Variants in BCAS3 observed in about 807,000 individuals in gnomAD.
BCAS3 encodes the protein BCAS4/BCAS3 fusion.
BCAS3 carries 53 observed loss-of-function variants against 116.1 expected under a neutral mutation model. The observed-to-expected ratio is 0.46, with a 90% CI of 0.37 to 0.57. BCAS3 has a LOEUF of 0.57. Among genes scored for constraint, BCAS3 ranks in the 20% least tolerant of loss-of-function variants. The pLI, the probability that BCAS3 is intolerant of heterozygous loss-of-function variation, is 0.00. For synonymous variants in BCAS3, 391 were observed against 408.2 expected, an observed-to-expected ratio of 0.96 and a Z score of 0.51; for missense variants, 917 against 1,165.4, an observed-to-expected ratio of 0.79 and a Z score of 3.10.
At chr17:60,760,497 G>GTT (rs59832943) in intron 6 of BCAS3, among the ~76,000 whole-genome samples, 3 of 127,484 alleles carry the variant, frequency 2.4e-5, no homozygotes, top group Middle Eastern at 4.2e-3. Flanking sequence ...AGGTTTTTTT[G>GTT]TTTTTTTTTT....
At position 61,219,349 on chromosome 17, in the gene BCAS3, G is replaced by T. The variant is rs1315408156; in HGVS notation, c.2425+134785G>T. Among the ~76,000 whole-genome samples the T allele has an allele frequency of 6.6e-6, 1 of 152,176 alleles. No homozygotes were observed. Among genetic ancestry groups the T allele is most frequent in the Non-Finnish European group, 1.5e-5 (1 of 68,040 alleles). On this transcript the variant is annotated intron_variant, in intron 22 of 23. Coordinates refer to ENST00000407086, the MANE Select transcript of BCAS3 (RefSeq NM_017679.5). The surrounding 1 kb of genome is among the most constrained non-coding windows in gnomAD (Gnocchi z 5.2). ...GCATATTTCCTAGGGAGTTTTGGGA[G>T]TCATGCAGTGATCAGGTTCAGGACT...
chr17:60,770,834 G>GCT (rs1568213393), intron 6 of BCAS3, among the ~76,000 whole-genome samples: 1 of 76,728 alleles, frequency 1.3e-5, no homozygotes, highest in Non-Finnish European at 3.3e-5. Context: ...ACTGAAATTT[G>GCT]TTTTTTTTTT....
At chr17:60,935,353 A>G (rs974564868) in intron 13 of BCAS3, among the ~76,000 whole-genome samples, 1 of 152,172 alleles carries the variant, frequency 6.6e-6, no homozygotes, top group African/African-American at 2.4e-5. Flanking sequence ...TTAATTAAAT[A>G]ATTTATACTA....
rs1380051983 is a variant in BCAS3 at position 61,037,593 on chromosome 17, G to A, written c.1763-296G>A. Among the ~76,000 whole-genome samples, 3 of 152,094 alleles carry A rather than the reference G, an allele frequency of 2.0e-5. No homozygotes were observed. Among genetic ancestry groups the A allele is most frequent in the African/African-American group, 4.8e-5 (2 of 41,402 alleles). On this transcript the variant is annotated intron_variant, in intron 17 of 23. Transcript: ENST00000407086. This position sits in a 1 kb window ranked among gnomAD's most constrained non-coding sequence, Gnocchi z 4.7. ...TCGAGACCAGCCTGACCAACACGGCGAAACCCTATCTCTACTAAAAATACA... is the reference window on the plus strand; with the variant it reads ...TCGAGACCAGCCTGACCAACACGGCAAAACCCTATCTCTACTAAAAATACA...
Position 61,118,563 on chromosome 17 carries a change from A to G in BCAS3, c.2425+33999A>G, listed in dbSNP as rs2075612487. 6.6e-6 allele frequency among the ~76,000 whole-genome samples: 1 copy of G among 152,136 alleles called. No homozygotes were observed. On this transcript the variant is annotated intron_variant, in intron 22 of 23. Coordinates refer to ENST00000407086, the MANE Select transcript of BCAS3 (RefSeq NM_017679.5). The surrounding 1 kb of genome is among the most constrained non-coding windows in gnomAD (Gnocchi z 5.0). ...CACCACCCCTGTGGAGGTGTTGGGCACCTTGTCATAGCCTCTCAAGGGTGG... is the reference window on the plus strand; with the variant it reads ...CACCACCCCTGTGGAGGTGTTGGGCGCCTTGTCATAGCCTCTCAAGGGTGG...
At chr17:61,045,897 ATATATAAATATATATT>A (rs2068075930) in intron 19 of BCAS3, among the ~76,000 whole-genome samples, 1 of 36,658 alleles carries the variant, frequency 2.7e-5, no homozygotes, top group Non-Finnish European at 3.8e-5. Context: ...TATATATAAT[ATATATAAATATATATT>A]TATATATATA....
At chr17:60,937,522 T>C (rs995316320) in intron 13 of BCAS3, among the ~76,000 whole-genome samples, 3 of 152,254 alleles carry the variant, frequency 2.0e-5, no homozygotes, top group Non-Finnish European at 4.4e-5. Context: ...TATTTATGTA[T>C]GTACCTCTCT....
intron 5 of BCAS3, among the ~76,000 whole-genome samples, chr17:60,718,046 A>G (rs1208607362): frequency 2.0e-5 from 3 of 152,176 alleles, no homozygotes; most frequent in Non-Finnish European, 2.9e-5. Flanking sequence ...TCGCGCGCCT[A>G]TGATAATCTA....
At chr17:61,153,323 G>A (rs1308615726) in intron 22 of BCAS3, among the ~76,000 whole-genome samples, 1 of 152,152 alleles carries the variant, frequency 6.6e-6, no homozygotes, top group African/African-American at 2.4e-5. Flanking sequence ...GTCTCCAGTG[G>A]GGTACTCCAC....
intron 22 of BCAS3, among the ~76,000 whole-genome samples, chr17:61,287,203 G>A (rs1053458414): frequency 6.0e-5 from 9 of 150,844 alleles, no homozygotes; most frequent in East Asian, 5.9e-4. Context: ...AGCCGAGATC[G>A]CACCACTTCA....
rs751680109 is a variant in BCAS3 at position 61,392,332 on chromosome 17, G to A, written c.*207G>A. 82 of 582,708 alleles carry A rather than the reference G, an allele frequency of 1.4e-4. No individual in the cohort carries two copies. Among genetic ancestry groups the A allele is most frequent in the Non-Finnish European group, 2.1e-4 (71 of 338,132 alleles). 36.1% of individuals were successfully genotyped at this position (582,708 alleles called of 1,614,324 possible). A position where few individuals can be genotyped will look rare whatever the true frequency, so the allele number is the denominator to read the frequency against. ...GCACTTGCCCTCTGCCACACCTGTC[G>A]GTGGAGGCTGTGGCCAGGAGAGACT... On this transcript the variant is annotated 3_prime_UTR_variant, in exon 24 of 24. Transcript: ENST00000407086. This position sits in a 1 kb window ranked among gnomAD's most constrained non-coding sequence, Gnocchi z 6.4.
At position 61,134,597 on chromosome 17, in the gene BCAS3, G is replaced by A. The variant is rs899262301; in HGVS notation, c.2425+50033G>A. Among the ~76,000 whole-genome samples the A allele has an allele frequency of 6.6e-6, 1 of 152,202 alleles. No individual in the cohort carries two copies. Among genetic ancestry groups the A allele is most frequent in the Non-Finnish European group, 1.5e-5 (1 of 68,036 alleles). ...TTTAAAGTCGAGAGAACTGTGTTAT[G>A]GTGGGACATTTAGAGACAAACTGAA... On this transcript the variant is annotated intron_variant, in intron 22 of 23. Coordinates refer to ENST00000407086, the MANE Select transcript of BCAS3 (RefSeq NM_017679.5). The surrounding 1 kb of genome is among the most constrained non-coding windows in gnomAD (Gnocchi z 4.6).
Position 61,339,893 on chromosome 17 carries a change from C to T in BCAS3, c.2426-28434C>T, listed in dbSNP as rs191236184. Among the ~76,000 whole-genome samples, 138 of 152,154 alleles carry T rather than the reference C, an allele frequency of 9.1e-4. No individual in the cohort carries two copies. Among genetic ancestry groups the T allele is most frequent in the Non-Finnish European group, 1.5e-3 (99 of 68,024 alleles). On this transcript the variant is annotated intron_variant, in intron 22 of 23. Coordinates refer to ENST00000407086, the MANE Select transcript of BCAS3 (RefSeq NM_017679.5). The surrounding 1 kb of genome is among the most constrained non-coding windows in gnomAD (Gnocchi z 4.4). The stretch of plus-strand genomic sequence containing the variant: ...CCCGAAAGCCAAGTAGAGAGAGGGT[C>T]AACTATGTCGAAAGCACACTTGACC...
At chr17:60,911,772 T>C (rs931970646) in intron 12 of BCAS3, among the ~76,000 whole-genome samples, 1 of 152,338 alleles carries the variant, frequency 6.6e-6, no homozygotes, top group South Asian at 2.1e-4. Flanking sequence ...CATACCTATT[T>C]GGAGGAATTT....
At chr17:60,716,947 G>C (rs1009635036) in intron 5 of BCAS3, among the ~76,000 whole-genome samples, 2 of 152,106 alleles carry the variant, frequency 1.3e-5, no homozygotes, top group Admixed American at 6.6e-5. Flanking sequence ...ACAAAACAAA[G>C]TCATTCTCTT....
intron 5 of BCAS3, among the ~76,000 whole-genome samples, chr17:60,722,725 C>A (rs191540511): frequency 6.8e-6 from 1 of 148,010 alleles, no homozygotes; most frequent in Non-Finnish European, 1.5e-5. Context: ...TGCGCCACTG[C>A]ACTCCAGCCT....
rs1007511085 is a variant in BCAS3, at chr17:61,151,611, G to A, written c.2425+67047G>A. On this transcript the variant is annotated intron_variant, in intron 22 of 23. Transcript: ENST00000407086. The surrounding 1 kb of genome is among the most constrained non-coding windows in gnomAD (Gnocchi z 4.8). ...TCTCCCATGTAGCTGATACTGACTA[G>A]CACGCCCAGCAAATTTTTAAATTTT... 6.6e-6 allele frequency among the ~76,000 whole-genome samples: 1 copy of A among 151,950 alleles called. No individual in the cohort carries two copies. Among genetic ancestry groups the A allele is most frequent in the African/African-American group, 2.4e-5 (1 of 41,344 alleles).
At chr17:60,856,773 A>G (rs2053712517) in intron 7 of BCAS3, among the ~76,000 whole-genome samples, 1 of 152,154 alleles carries the variant, frequency 6.6e-6, no homozygotes. Flanking sequence ...TATATTTATA[A>G]TATTTTTCCT....
chr17:61,107,455 G>A (rs775011887), intron 22 of BCAS3, among the ~76,000 whole-genome samples: 18 of 152,042 alleles, frequency 1.2e-4, no homozygotes, highest in Non-Finnish European at 1.8e-4. Flanking sequence ...AAACCGTTCC[G>A]TCACCACAAA....
Sources: allele counts gnomAD v4.1 joint callset (sites outside exome capture counted in the v4.1 genomes callset), GRCh38; gene constraint gnomAD v4.1.1; non-coding constraint Gnocchi (gnomAD v3.1); transcripts MANE v1.5; gene names NCBI Gene and HGNC (gene_info 2026-07-23, HGNC 2026-07-21).